HERC3: variants seen among roughly 807,000 people sequenced by gnomAD.
HERC3 encodes probable E3 ubiquitin-protein ligase HERC3.
A neutral mutation model predicts 129.9 loss-of-function variants in HERC3; 58 were observed. The ratio of observed to expected loss-of-function variants is 0.45; its 90% confidence interval spans 0.36 to 0.56. The LOEUF (loss-of-function observed/expected upper bound fraction) is 0.56, where lower values mean the gene tolerates loss of function less well. HERC3 is among the 20% of genes least tolerant of loss of function. The pLI, the probability that HERC3 is intolerant of heterozygous loss-of-function variation, is 0.00. For synonymous variants in HERC3, 430 were observed against 451.0 expected (o/e 0.95, Z 0.59); for missense variants, 835 against 1,244.2 (o/e 0.67, Z 4.95).
intron 3 of HERC3, among the ~76,000 whole-genome samples, chr4:88,630,796 G>A (rs28491321): frequency 1.1e-3 from 171 of 152,274 alleles, no homozygotes; most frequent in African/African-American, 4.0e-3. Context: ...AGAACCCATA[G>A]GTGGTTTTCT....
intron 3 of HERC3, among the ~76,000 whole-genome samples, chr4:88,645,403 AG>A (rs754294950): frequency 3.0e-4 from 45 of 152,268 alleles, no homozygotes; most frequent in Non-Finnish European, 5.6e-4. Context: ...AAGTGGTGAA[AG>A]TTTAACCCTC....
chr4:88,656,095 A>G, intron 9 of HERC3, 60 bp downstream of exon 9: 1 of 1,536,530 alleles, frequency 6.5e-7, no homozygotes, highest in Non-Finnish European at 9.0e-7. Flanking sequence ...AGTTGTTTAC[A>G]GAATATGTAT....
chr4:88,642,274 C>G (rs537535297), intron 3 of HERC3, among the ~76,000 whole-genome samples: 3 of 152,050 alleles, frequency 2.0e-5, no homozygotes, highest in Non-Finnish European at 4.4e-5. Context: ...GAAAAACAGT[C>G]TAAAGAAGAA....
intron 20 of HERC3, chr4:88,680,952 A>G (rs2149316420): frequency 2.2e-6 from 2 of 930,158 alleles, no homozygotes; most frequent in Non-Finnish European, 1.3e-6. Flanking sequence ...TCTCTGTATC[A>G]CTAGGTACAA....
the HERC3 span, among the ~76,000 whole-genome samples, chr4:88,545,655 G>A: frequency 1.3e-5 from 2 of 151,600 alleles, no homozygotes; most frequent in African/African-American, 4.8e-5. Flanking sequence ...CAAACTCCTG[G>A]GCTCAAAGGA....
intron 16 of HERC3, among the ~76,000 whole-genome samples, chr4:88,671,766 C>A (rs1001924818): frequency 2.0e-5 from 3 of 152,078 alleles, no homozygotes; most frequent in African/African-American, 7.2e-5. Context: ...TCAAGTGATT[C>A]ACCAGCCTCG....
At chr4:88,532,735 G>A in the HERC3 span, among the ~76,000 whole-genome samples, 1 of 152,124 alleles carries the variant, frequency 6.6e-6, no homozygotes, top group African/African-American at 2.4e-5. Flanking sequence ...ATGAAGAGTA[G>A]AAGTACTAAC....
chr4:88,667,978 A>G lies in HERC3; in HGVS notation c.1530A>G (p.Leu510=), dbSNP rs1731219379. Residue 510 remains leucine (L), a synonymous_variant, in exon 14 of 26, where the codon CTA becomes CTG. Transcript: ENST00000402738. ...AAGCCATGAGAATCTATTTAATACT[A>G]CCTGAGTTTCCCCTACTCCAGGATT... is the stretch of plus-strand genomic sequence containing the variant. ...DVEAMRIYLI[L]PEFPLLQDSK... 6.2e-7 allele frequency: 1 copy of G among 1,611,878 alleles called. No individual in the cohort carries two copies. The highest frequency in any genetic ancestry group is 8.5e-7 in the Non-Finnish European group (1 of 1,178,096).
At chr4:88,677,432 A>G (rs1307884000) in intron 18 of HERC3, among the ~76,000 whole-genome samples, 3 of 151,952 alleles carry the variant, frequency 2.0e-5, no homozygotes, top group Non-Finnish European at 4.4e-5. Context: ...ACATAACTTC[A>G]TTTATCTTTC....
At chr4:88,551,219 A>G in the HERC3 span, among the ~76,000 whole-genome samples, 1 of 152,310 alleles carries the variant, frequency 6.6e-6, no homozygotes, top group Non-Finnish European at 1.5e-5. Flanking sequence ...CAGGACATAG[A>G]CATGGGCAAG....
the HERC3 span, among the ~76,000 whole-genome samples, chr4:88,582,412 A>G: frequency 0.042 from 6,365 of 152,200 alleles, 422 homozygotes; most frequent in African/African-American, 0.14. Context: ...CGAACAAAAG[A>G]GATTAAAAGG....
At chr4:88,673,314 G>C (rs1731808187) in intron 16 of HERC3, among the ~76,000 whole-genome samples, 1 of 152,176 alleles carries the variant, frequency 6.6e-6, no homozygotes, top group Admixed American at 6.5e-5. Context: ...TTCTTCTCCA[G>C]CACTGCAGGT....
chr4:88,698,516 C>T (rs994990971), intron 23 of HERC3, among the ~76,000 whole-genome samples: 1 of 148,678 alleles, frequency 6.7e-6, no homozygotes, highest in Middle Eastern at 3.2e-3. Context: ...TCTAGAAGAT[C>T]CTACAGAATC....
intron 16 of HERC3, among the ~76,000 whole-genome samples, chr4:88,675,693 T>C (rs571106664): frequency 4.5e-4 from 68 of 151,832 alleles, no homozygotes; most frequent in African/African-American, 1.5e-3. Flanking sequence ...GTAAGCCAAG[T>C]ACTAGTCTAA....
the HERC3 span, among the ~76,000 whole-genome samples, chr4:88,560,698 G>A: frequency 2.6e-5 from 4 of 152,064 alleles, no homozygotes; most frequent in Non-Finnish European, 5.9e-5. Context: ...ATGTTCTCAT[G>A]TAGGAGTTTT....
At chr4:88,525,433 G>C in the HERC3 span, among the ~76,000 whole-genome samples, 1 of 152,236 alleles carries the variant, frequency 6.6e-6, no homozygotes, top group Non-Finnish European at 1.5e-5. Flanking sequence ...AACAGCGCTT[G>C]ACTTCTGCAA....
intron 23 of HERC3, chr4:88,693,527 A>C: frequency 1.0e-6 from 1 of 965,972 alleles, no homozygotes; most frequent in Non-Finnish European, 1.2e-6. Context: ...CCTCTAAAAT[A>C]TTTGTTTAAA....
At chr4:88,662,702 A>T in intron 11 of HERC3, 147 bp downstream of exon 11, 1 of 839,654 alleles carries the variant, frequency 1.2e-6, no homozygotes. Context: ...TTTGGTTACT[A>T]TTTCAGGGTT....
chr4:88,536,114 G>T, the HERC3 span, among the ~76,000 whole-genome samples: 1 of 152,176 alleles, frequency 6.6e-6, no homozygotes, highest in Non-Finnish European at 1.5e-5. Context: ...TTGTGCAAAA[G>T]CTTCTGGCAT....
Sources: allele counts gnomAD v4.1 joint callset (sites outside exome capture counted in the v4.1 genomes callset), GRCh38; gene constraint gnomAD v4.1.1; transcripts MANE v1.5; gene names NCBI Gene and HGNC (gene_info 2026-07-23, HGNC 2026-07-21).